BRSK2: variants seen among roughly 807,000 people sequenced by gnomAD.
BRSK2 encodes serine/threonine-protein kinase BRSK2.
In BRSK2, 19 loss-of-function variants were observed where a neutral mutation model predicts 83.3. The observed-to-expected ratio is 0.23, with a 90% confidence interval of 0.16 to 0.33. BRSK2 has a LOEUF of 0.33. Ranked by LOEUF, BRSK2 falls within the 10% of genes least tolerant of loss-of-function variation. BRSK2 has a pLI of 1.00. For synonymous variants in BRSK2, 519 were observed against 435.4 expected, an observed-to-expected ratio of 1.19 and a Z score of -2.39; for missense variants, 798 against 1,042.3, an observed-to-expected ratio of 0.77 and a Z score of 3.23.
At position 1,456,518 on chromosome 11, in the gene BRSK2, C is replaced by A; in HGVS notation, c.1839C>A (p.Thr613=). The change falls in exon 17 of 20, where the codon ACC becomes ACA. Residue 613 remains threonine (T), a synonymous_variant. Transcript: ENST00000528841. ...KENGIYSVTF[T]LLSGPSRRFK... ...ACGGCATCTACTCCGTCACCTTCAC[C>A]CTGCTCTCAGGTGAGCTGGCGCCCC... The A allele has an allele frequency of 6.3e-7, 1 of 1,585,808 alleles. No individual in the cohort carries two copies. The highest frequency in any genetic ancestry group is 8.6e-7 in the Non-Finnish European group (1 of 1,165,264).
At chr11:1,443,783 T>C in intron 8 of BRSK2, 148 bp downstream of exon 8, 3 of 1,114,914 alleles carry the variant, frequency 2.7e-6, no homozygotes, top group Non-Finnish European at 2.4e-6. Flanking sequence ...TGTGCACAGG[T>C]GTCGGCTTGT....
intron 1 of BRSK2, among the ~76,000 whole-genome samples, chr11:1,396,169 TC>T (rs1564790640): frequency 1.3e-5 from 2 of 151,264 alleles, no homozygotes; most frequent in Non-Finnish European, 3.0e-5. Context: ...GACCCCTGCG[TC>T]CCCCGCTCCT....
intron 1 of BRSK2, 84 bp from the exon 2 acceptor site, chr11:1,435,956 G>A: frequency 9.8e-7 from 1 of 1,016,622 alleles, no homozygotes; most frequent in Non-Finnish European, 1.5e-6. Context: ...GACGTGGGAG[G>A]AGGCCCCCAA....
chr11:1,448,281 A>T (rs1223249097), intron 12 of BRSK2, among the ~76,000 whole-genome samples: 1 of 152,084 alleles, frequency 6.6e-6, no homozygotes, highest in Non-Finnish European at 1.5e-5. Context: ...CGCCGTCAAG[A>T]GGGGCCTCTA....
chr11:1,452,822 C>T (rs1845969857), intron 15 of BRSK2, among the ~76,000 whole-genome samples: 1 of 152,276 alleles, frequency 6.6e-6, no homozygotes, highest in Non-Finnish European at 1.5e-5. Flanking sequence ...GAGGGTCCAG[C>T]ACGGATGCCT....
intron 1 of BRSK2, among the ~76,000 whole-genome samples, chr11:1,393,501 G>T (rs1301269554): frequency 6.6e-6 from 1 of 152,192 alleles, no homozygotes; most frequent in Non-Finnish European, 1.5e-5. Flanking sequence ...GCGAGGGAAC[G>T]AAGGAGCTAG....
At position 1,440,781 on chromosome 11, in the gene BRSK2, C is replaced by G; in HGVS notation, c.273-7C>G. 1.9e-6 allele frequency: 3 copies of G among 1,561,626 alleles called. No individual in the cohort carries two copies. Among genetic ancestry groups the G allele is most frequent in the Middle Eastern group, 1.7e-4 (1 of 5,804 alleles). On this transcript the variant is annotated splice_polypyrimidine_tract_variant and splice_region_variant and intron_variant, in intron 3 of 19. Transcript: ENST00000528841. The stretch of plus-strand genomic sequence containing the variant: ...GCTGGGCGCACTGGTGGCCCCGTCT[C>G]CTGCAGGTACCTGGTGCTAGAACAC...
intron 1 of BRSK2, among the ~76,000 whole-genome samples, chr11:1,399,116 G>T (rs933421572): frequency 6.6e-6 from 1 of 152,218 alleles, no homozygotes; most frequent in Non-Finnish European, 1.5e-5. Flanking sequence ...CCCCGCCCCA[G>T]GCCAGAGCCA....
intron 1 of BRSK2, chr11:1,411,013 G>A (rs934855257): frequency 4.0e-6 from 4 of 1,003,050 alleles, no homozygotes; most frequent in Admixed American, 1.2e-4. Context: ...GAGAACAGCC[G>A]TGCGTCTGCC....
intron 12 of BRSK2, among the ~76,000 whole-genome samples, chr11:1,446,387 G>C (rs183635221): frequency 6.7e-6 from 1 of 149,990 alleles, no homozygotes; most frequent in Admixed American, 6.6e-5. Context: ...GCAGGGCTGG[G>C]CTGGGCTAAA....
Position 1,460,955 on chromosome 11 carries a change from C to G in BRSK2, c.*232C>G. The stretch of plus-strand genomic sequence containing the variant: ...CTGTCTCTGACAGCATCGCTTGTTT[C>G]CACTCTGATACCAGGAATTATCCCG... On this transcript the variant is annotated 3_prime_UTR_variant, in exon 20 of 20. Coordinates refer to ENST00000528841, the MANE Select transcript of BRSK2 (RefSeq NM_001256627.2). 6.2e-7 allele frequency: 1 copy of G among 1,612,456 alleles called. No individual in the cohort carries two copies. Among genetic ancestry groups the G allele is most frequent in the East Asian group, 2.2e-5 (1 of 44,848 alleles).
At position 1,423,748 on chromosome 11, in the gene BRSK2, G is replaced by A. The variant is rs1386917262; in HGVS notation, c.92-12292G>A. Among the ~76,000 whole-genome samples, 12 of 143,702 alleles carry A rather than the reference G, an allele frequency of 8.4e-5. No individual in the cohort carries two copies. The highest frequency in any genetic ancestry group is 1.8e-4 in the African/African-American group (7 of 38,698). 94.3% of individuals were successfully genotyped at this position (143,702 alleles called of 152,430 possible). ...GTGCCCCAGGCCTCCCCCGCTGGGCGTTCCGGGTGCCCCAGGCCTCCCCCG... is the reference window on the plus strand; with the variant it reads ...GTGCCCCAGGCCTCCCCCGCTGGGCATTCCGGGTGCCCCAGGCCTCCCCCG... On this transcript the variant is annotated intron_variant, in intron 1 of 19. Coordinates refer to ENST00000528841, the MANE Select transcript of BRSK2 (RefSeq NM_001256627.2). The surrounding 1 kb of genome is among the most constrained non-coding windows in gnomAD (Gnocchi z 6.5).
chr11:1,407,134 C>T (rs112001047), intron 1 of BRSK2, among the ~76,000 whole-genome samples: 81 of 152,270 alleles, frequency 5.3e-4, no homozygotes, highest in African/African-American at 1.7e-3. Flanking sequence ...AGGTGCAGAG[C>T]GGAGGGAGCT....
At chr11:1,460,456 T>A in intron 19 of BRSK2, 44 bp from the exon 20 acceptor site, 1 of 1,154,048 alleles carries the variant, frequency 8.7e-7, no homozygotes, top group Non-Finnish European at 1.1e-6. Context: ...TTTTTTTCTT[T>A]TTTCCTTTTT....
intron 12 of BRSK2, chr11:1,448,008 A>G: frequency 1.2e-6 from 1 of 848,496 alleles, no homozygotes; most frequent in East Asian, 2.7e-5. Context: ...AAGCCAGGCA[A>G]GGGCCCGCGG....
At chr11:1,455,756 A>G in intron 16 of BRSK2, among the ~76,000 whole-genome samples, 1 of 150,348 alleles carries the variant, frequency 6.7e-6, no homozygotes, top group East Asian at 2.0e-4. Context: ...GCCCCTCCCC[A>G]TGCCGGCCCC....
Position 1,460,819 on chromosome 11 carries a change from G to T in BRSK2, c.*96G>T, listed in dbSNP as rs936582820. The T allele has an allele frequency of 2.7e-6, 4 of 1,473,144 alleles. No homozygotes were observed. Among genetic ancestry groups the T allele is most frequent in the Non-Finnish European group, 3.6e-6 (4 of 1,118,940 alleles). 91.3% of individuals were successfully genotyped at this position (1,473,144 alleles called of 1,614,324 possible). A position where few individuals can be genotyped will look rare whatever the true frequency, so the allele number is the denominator to read the frequency against. Reference sequence around the variant, plus strand: ...GAGTGGACCCGCGGCCGCGCCGCCCGTCCGTCCAGACTGTTCTCAGAGCCT... The same window carrying T: ...GAGTGGACCCGCGGCCGCGCCGCCCTTCCGTCCAGACTGTTCTCAGAGCCT... On this transcript the variant is annotated 3_prime_UTR_variant, in exon 20 of 20. Coordinates refer to ENST00000528841, the MANE Select transcript of BRSK2 (RefSeq NM_001256627.2).
In BRSK2 at chr11:1,450,803, C is replaced by T. The variant is rs1482556123; in HGVS notation, c.1495+9C>T. 3.2e-6 allele frequency: 5 copies of T among 1,587,146 alleles called. No individual in the cohort carries two copies. Among genetic ancestry groups the T allele is most frequent in the African/African-American group, 1.4e-5 (1 of 73,282 alleles). ...CCGCCGGAAACTGCAAGGTGAGTGT[C>T]TGCCCGGAGGCGCCAGAGTGGGGCT... On this transcript the variant is annotated intron_variant, in intron 14 of 19. Coordinates refer to ENST00000528841, the MANE Select transcript of BRSK2 (RefSeq NM_001256627.2).
chr11:1,426,144 A>T (rs1849186306), intron 1 of BRSK2, among the ~76,000 whole-genome samples: 1 of 152,114 alleles, frequency 6.6e-6, no homozygotes, highest in Non-Finnish European at 1.5e-5. Flanking sequence ...TGCTCTGGGC[A>T]CCCAGCTGCA....
Sources: allele counts gnomAD v4.1 joint callset (sites outside exome capture counted in the v4.1 genomes callset), GRCh38; gene constraint gnomAD v4.1.1; non-coding constraint Gnocchi (gnomAD v3.1); transcripts MANE v1.5; gene names NCBI Gene and HGNC (gene_info 2026-07-23, HGNC 2026-07-21).